The following STK39 variants were observed in gnomAD, a reference collection of about 807,000 sequenced individuals.
The protein encoded by STK39 is STE20/SPS1-related proline-alanine-rich protein kinase.
In STK39, 20 loss-of-function variants were observed where a neutral mutation model predicts 77.8. That is an observed-to-expected ratio of 0.26 (90% CI 0.18 to 0.37). The LOEUF (loss-of-function observed/expected upper bound fraction) is 0.37, where lower values mean the gene tolerates loss of function less well. Among genes scored for constraint, STK39 ranks in the 10% least tolerant of loss-of-function variants. The pLI is 1.00. For missense variants in STK39, 479 were observed against 656.5 expected (o/e 0.73, Z 2.95); for synonymous variants, 246 against 234.1 (o/e 1.05, Z -0.47).
intron 14 of STK39, among the ~76,000 whole-genome samples, chr2:168,059,705 A>C (rs1685613254): frequency 6.6e-6 from 1 of 152,208 alleles, no homozygotes; most frequent in Admixed American, 6.5e-5. Flanking sequence ...AACTGAGATA[A>C]TAAATGGGTG....
chr2:168,082,522 C>G (rs1454286672), intron 10 of STK39, among the ~76,000 whole-genome samples: 1 of 152,230 alleles, frequency 6.6e-6, no homozygotes. Flanking sequence ...GTAGACACTG[C>G]TGAACTCCAT....
chr2:168,122,378 T>C (rs1208336291), intron 10 of STK39, among the ~76,000 whole-genome samples: 1 of 152,238 alleles, frequency 6.6e-6, no homozygotes, highest in African/African-American at 2.4e-5. Context: ...TTCTTTTTTA[T>C]GGCTGTGTAG....
At chr2:168,115,259 T>G (rs951968570) in intron 10 of STK39, among the ~76,000 whole-genome samples, 1 of 152,212 alleles carries the variant, frequency 6.6e-6, no homozygotes, top group Non-Finnish European at 1.5e-5. Context: ...AAATACCATA[T>G]GCTAGGCACT....
chr2:168,078,874 C>G (rs1483688909), intron 10 of STK39, among the ~76,000 whole-genome samples: 2 of 152,102 alleles, frequency 1.3e-5, no homozygotes, highest in African/African-American at 2.4e-5. Context: ...CACTCAGCCT[C>G]TCCTCCACCT....
At chr2:168,049,901 A>G (rs973279300) in intron 14 of STK39, among the ~76,000 whole-genome samples, 17 of 152,342 alleles carry the variant, frequency 1.1e-4, no homozygotes, top group East Asian at 5.8e-4. Context: ...TTAGGAGAGA[A>G]CTGGGTGTCC....
At chr2:168,018,032 G>A (rs1024520752) in intron 14 of STK39, among the ~76,000 whole-genome samples, 1 of 152,068 alleles carries the variant, frequency 6.6e-6, no homozygotes, top group African/African-American at 2.4e-5. Flanking sequence ...GCACTGGGGA[G>A]ATATTAAATA....
chr2:168,187,979 C>T (rs1374140168), intron 1 of STK39, among the ~76,000 whole-genome samples: 1 of 152,112 alleles, frequency 6.6e-6, no homozygotes, highest in Non-Finnish European at 1.5e-5. Context: ...AAAGTTGGAA[C>T]TTTAATAAGA....
At chr2:168,089,428 T>G (rs577412738) in intron 10 of STK39, among the ~76,000 whole-genome samples, 4 of 152,292 alleles carry the variant, frequency 2.6e-5, no homozygotes, top group Admixed American at 2.6e-4. Flanking sequence ...CACTTCCTGT[T>G]TCTAAACAAG....
chr2:168,239,040 G>A (rs889451601), intron 1 of STK39, among the ~76,000 whole-genome samples: 1 of 152,116 alleles, frequency 6.6e-6, no homozygotes, highest in Non-Finnish European at 1.5e-5. Context: ...GTCTTAGCAG[G>A]TACCACAGCC....
At chr2:168,003,377 C>T (rs542823977) in intron 16 of STK39, among the ~76,000 whole-genome samples, 3 of 152,262 alleles carry the variant, frequency 2.0e-5, no homozygotes, top group African/African-American at 7.2e-5. Flanking sequence ...TTAGATAGTC[C>T]AGCCTATCAT....
rs144444819 is a variant in STK39 at position 168,092,540 on chromosome 2, A to G, written c.1090-17309T>C. ...AACAAACAAGAAATAACATAGCTGT[A>G]TATGTATATTCTCACACAGTGAATA... On this transcript the variant is annotated intron_variant, in intron 10 of 17. Transcript: ENST00000355999. Among the ~76,000 whole-genome samples, 30 of 152,380 alleles carry G rather than the reference A, an allele frequency of 2.0e-4. No homozygotes were observed. In the East Asian group the frequency reaches 3.3e-3, roughly 17 times the overall value.
At chr2:168,115,138 C>CA (rs1302321755) in intron 10 of STK39, among the ~76,000 whole-genome samples, 1 of 152,130 alleles carries the variant, frequency 6.6e-6, no homozygotes, top group Non-Finnish European at 1.5e-5. Flanking sequence ...GCAGAACCAC[C>CA]AGAAGATCTG....
At chr2:167,964,333 T>C (rs1460001130) in intron 17 of STK39, 3 of 240,956 alleles carry the variant, frequency 1.2e-5, no homozygotes, top group Non-Finnish European at 2.4e-5. Flanking sequence ...AGAGTGTTGC[T>C]TTGAATTCAG....
intron 16 of STK39, among the ~76,000 whole-genome samples, chr2:167,977,807 T>C (rs1346916562): frequency 6.6e-6 from 1 of 151,946 alleles, no homozygotes; most frequent in Non-Finnish European, 1.5e-5. Flanking sequence ...AGCCAATTTA[T>C]CAAGACCAGG....
intron 1 of STK39, among the ~76,000 whole-genome samples, chr2:168,209,897 G>A (rs1453680738): frequency 6.6e-6 from 1 of 151,772 alleles, no homozygotes; most frequent in Non-Finnish European, 1.5e-5. Flanking sequence ...TATCCAGGAG[G>A]CTGAAGCAAG....
At chr2:168,245,922 A>T (rs1340447739) in intron 1 of STK39, among the ~76,000 whole-genome samples, 2 of 152,112 alleles carry the variant, frequency 1.3e-5, no homozygotes, top group African/African-American at 4.8e-5. Context: ...ATCCTAGGTT[A>T]CGGACCTGCC....
At chr2:168,159,929 G>T (rs1172768889) in intron 5 of STK39, among the ~76,000 whole-genome samples, 2 of 152,164 alleles carry the variant, frequency 1.3e-5, no homozygotes, top group African/African-American at 4.8e-5. Flanking sequence ...TCTGAACTCA[G>T]CAGCCCGCAC....
At chr2:168,054,587 TGGATCA>T (rs1370747935) in intron 14 of STK39, among the ~76,000 whole-genome samples, 1 of 152,232 alleles carries the variant, frequency 6.6e-6, no homozygotes, top group Non-Finnish European at 1.5e-5. Flanking sequence ...AGACATTTTT[TGGATCA>T]GAGCACTGTA....
chr2:168,037,287 A>G (rs7605419), intron 14 of STK39, among the ~76,000 whole-genome samples: 2 of 152,154 alleles, frequency 1.3e-5, no homozygotes, highest in Non-Finnish European at 1.5e-5. Context: ...TTACAAAATG[A>G]TAAGAGGAAA....
Sources: gnomAD v4.1 joint callset for allele counts (sites outside exome capture counted in the v4.1 genomes callset) on GRCh38, gnomAD v4.1.1 for gene constraint, MANE v1.5 for transcripts, NCBI Gene and HGNC (gene_info 2026-07-23, HGNC 2026-07-21) for gene names.